MIR17HG: variants seen among roughly 807,000 people sequenced by gnomAD.
MIR17HG encodes the protein MIR17 host gene (non-protein coding).
chr13:91,351,404 C>G (rs764286076), intron 3 of MIR17HG: 5 of 510,610 alleles, frequency 9.8e-6, no homozygotes, highest in Non-Finnish European at 2.1e-5. Context: ...GGGATTGTGA[C>G]CAGAAGATTT....
chr13:91,350,905 G>A (rs756288295), intron 3 of MIR17HG: 1 of 534,654 alleles, frequency 1.9e-6, no homozygotes, highest in South Asian at 1.4e-5. Flanking sequence ...TCCTCTGTTA[G>A]TTTTGCATAG....
chr13:91,348,501 G>T (rs1447719643), intron 1 of MIR17HG, among the ~76,000 whole-genome samples: 1 of 151,314 alleles, frequency 6.6e-6, no homozygotes. Flanking sequence ...GGCGTGGCGT[G>T]GGCGGGAGCC....
At position 91,348,854 on chromosome 13, in the gene MIR17HG, C is replaced by T. The variant is rs1261131270; in HGVS notation, n.141-844C>T. ...ACTGCGCGCCGCCGCCGATTGTTCC[C>T]GGCTTAGGCCTCGGGCCGCGTGCGA... On this transcript the variant is annotated intron_variant and non_coding_transcript_variant, in intron 1 of 3. Transcript: ENST00000400282. 2.0e-5 allele frequency among the ~76,000 whole-genome samples: 3 copies of T among 149,348 alleles called. No individual in the cohort carries two copies. The East Asian group carries it at 5.9e-4, about 29-fold the overall frequency.
intron 1 of MIR17HG, among the ~76,000 whole-genome samples, chr13:91,348,915 G>T (rs1257186010): frequency 2.0e-5 from 3 of 149,104 alleles, no homozygotes; most frequent in Non-Finnish European, 4.5e-5. Flanking sequence ...GCCCCTCTGG[G>T]CCGGGCTCGG....
intron 3 of MIR17HG, among the ~76,000 whole-genome samples, chr13:91,352,642 A>G (rs555494662): frequency 1.8e-4 from 28 of 152,358 alleles, no homozygotes; most frequent in African/African-American, 6.0e-4. Context: ...TAAGAATTCT[A>G]TCATTCTGGA....
chr13:91,348,342 CGCGGGGCGT>C (rs1315382059), intron 1 of MIR17HG, among the ~76,000 whole-genome samples: 1 of 149,822 alleles, frequency 6.7e-6, no homozygotes, highest in East Asian at 2.0e-4. Context: ...CCGGGGCGCG[CGCGGGGCGT>C]GGGGTCTCTG....
chr13:91,350,948 C>T (rs1323869733), intron 3 of MIR17HG: 1 of 533,498 alleles, frequency 1.9e-6, no homozygotes, highest in Admixed American at 1.9e-5. Flanking sequence ...TTGTGCAAAT[C>T]TATGCAAAAC....
At position 91,353,109 on chromosome 13, in the gene MIR17HG, CAAAAAAAAAAA is replaced by C. The variant is rs549062236; in HGVS notation, n.285-807_285-797del. The stretch of plus-strand genomic sequence containing the variant: ...TGGGCGCAAGACCAAGACTTAAACG[CAAAAAAAAAAA>C]AAAAAAAAAAAAAAAAGTTTCATAA... On this transcript the variant is annotated intron_variant and non_coding_transcript_variant, in intron 3 of 3. Coordinates refer to ENST00000400282, the Ensembl canonical transcript of MIR17HG. Among the ~76,000 whole-genome samples, 16 of 28,858 alleles carry C rather than the reference CAAAAAAAAAAA, an allele frequency of 5.5e-4. No homozygotes were observed. The South Asian group carries it at 8.8e-3, about 16-fold the overall frequency. The allele number at this position is 28,858 out of a possible 152,430, so 18.9% of individuals were successfully genotyped here. A position where few individuals can be genotyped will look rare whatever the true frequency, so the allele number is the denominator to read the frequency against.
At chr13:91,348,139 C>A (rs1314196998) in intron 1 of MIR17HG, among the ~76,000 whole-genome samples, 2 of 121,946 alleles carry the variant, frequency 1.6e-5, no homozygotes, top group Non-Finnish European at 3.5e-5. Context: ...CTGGCTGCCC[C>A]CTCGCTCGCC....
intron 3 of MIR17HG, among the ~76,000 whole-genome samples, chr13:91,352,815 T>G: frequency 6.6e-6 from 1 of 152,140 alleles, no homozygotes; most frequent in East Asian, 1.9e-4. Context: ...CAAACTATGC[T>G]TAAAAAGTTC....
chr13:91,350,942 G>A (rs749350150), intron 3 of MIR17HG: 2 of 534,034 alleles, frequency 3.7e-6, no homozygotes, highest in Non-Finnish European at 7.7e-6. Context: ...ATGTAGTTGT[G>A]CAAATCTATG....
chr13:91,349,091 G>C (rs1358565201), intron 1 of MIR17HG, among the ~76,000 whole-genome samples: 1 of 151,944 alleles, frequency 6.6e-6, no homozygotes, highest in East Asian at 1.9e-4. Flanking sequence ...GCTACGCGGA[G>C]AATCGCAGGG....
intron 1 of MIR17HG, among the ~76,000 whole-genome samples, chr13:91,349,268 A>T (rs1875155311): frequency 6.6e-6 from 1 of 152,122 alleles, no homozygotes; most frequent in Admixed American, 6.5e-5. Context: ...CAAAAGAGAA[A>T]ATTAACGGCA....
At chr13:91,348,523 A>C (rs1179396501) in intron 1 of MIR17HG, among the ~76,000 whole-genome samples, 1 of 151,098 alleles carries the variant, frequency 6.6e-6, no homozygotes, top group African/African-American at 2.4e-5. Flanking sequence ...GCGGTTCCCC[A>C]AACTTTGTAC....
chr13:91,349,514 T>G (rs1264089116), intron 1 of MIR17HG, among the ~76,000 whole-genome samples: 4 of 152,226 alleles, frequency 2.6e-5, no homozygotes, highest in African/African-American at 9.6e-5. Flanking sequence ...CTCTTACGTA[T>G]TTTTCAACTG....
chr13:91,349,215 G>C (rs962630794), intron 1 of MIR17HG, among the ~76,000 whole-genome samples: 3 of 152,086 alleles, frequency 2.0e-5, no homozygotes, highest in Non-Finnish European at 2.9e-5. Flanking sequence ...TGCAGCAAAG[G>C]GAAAAGGAAC....
At chr13:91,350,627 T>C (rs1285043691) in intron 3 of MIR17HG, 1 of 534,524 alleles carries the variant, frequency 1.9e-6, no homozygotes, top group Non-Finnish European at 3.8e-6. Context: ...TCAAAGTGCT[T>C]ACAGTGCAGG....
chr13:91,354,206 A>G (rs1241795825), exon 4 of MIR17HG: 4 of 152,230 alleles, frequency 2.6e-5, no homozygotes, highest in Non-Finnish European at 5.9e-5. Flanking sequence ...TAAGATCATC[A>G]TGCCCACTTG....
intron 1 of MIR17HG, among the ~76,000 whole-genome samples, chr13:91,348,342 CGCGGGGCGTGG>C (rs1305940481): frequency 1.3e-5 from 2 of 149,928 alleles, no homozygotes; most frequent in East Asian, 4.0e-4. Flanking sequence ...CCGGGGCGCG[CGCGGGGCGTGG>C]GGTCTCTGGG....
Sources: allele counts gnomAD v4.1 joint callset (sites outside exome capture counted in the v4.1 genomes callset), GRCh38; gene constraint gnomAD v4.1.1; transcripts MANE v1.5; gene names NCBI Gene and HGNC (gene_info 2026-07-23, HGNC 2026-07-21).